Variants in ANKRD22 observed in about 807,000 individuals in gnomAD.
ANKRD22 encodes the protein ankyrin repeat domain-containing protein 22.
ANKRD22 carries 24 observed loss-of-function variants against 25.7 expected under a neutral mutation model. The observed-to-expected ratio is 0.93, with a 90% CI of 0.68 to 1.31. The LOEUF (loss-of-function observed/expected upper bound fraction) is 1.31, where lower values mean the gene tolerates loss of function less well. Among genes scored for constraint, ANKRD22 ranks in the 50% most tolerant of loss-of-function variants. The pLI, the probability that ANKRD22 is intolerant of heterozygous loss-of-function variation, is 0.00. For missense variants in ANKRD22, 214 were observed against 227.1 expected, an observed-to-expected ratio of 0.94 and a Z score of 0.37; for synonymous variants, 84 against 84.3, an observed-to-expected ratio of 1.00 and a Z score of 0.02.
chr10:88,839,850 C>T (rs1266131451), intron 1 of ANKRD22, among the ~76,000 whole-genome samples: 1 of 152,146 alleles, frequency 6.6e-6, no homozygotes, highest in Non-Finnish European at 1.5e-5. Context: ...ATATTGCAAT[C>T]ATGTTTGCAC....
At chr10:88,825,780 T>C (rs1843849926) in intron 4 of ANKRD22, among the ~76,000 whole-genome samples, 1 of 152,214 alleles carries the variant, frequency 6.6e-6, no homozygotes, top group African/African-American at 2.4e-5. Flanking sequence ...GGAGCCTTAG[T>C]TTTCCTTAAC....
intron 1 of ANKRD22, among the ~76,000 whole-genome samples, chr10:88,842,423 T>C (rs974234888): frequency 5.3e-4 from 81 of 152,268 alleles, no homozygotes; most frequent in African/African-American, 1.9e-3. Context: ...TCTCCACTCC[T>C]ATGCAACTCC....
intron 1 of ANKRD22, among the ~76,000 whole-genome samples, chr10:88,832,938 C>T (rs914390092): frequency 1.3e-5 from 2 of 152,220 alleles, no homozygotes; most frequent in African/African-American, 2.4e-5. Flanking sequence ...ACACCACCTG[C>T]CTTTCTTCTG....
intron 1 of ANKRD22, among the ~76,000 whole-genome samples, chr10:88,839,387 A>G (rs1165123008): frequency 6.6e-6 from 1 of 152,152 alleles, no homozygotes; most frequent in African/African-American, 2.4e-5. Flanking sequence ...TCAGTGGGCC[A>G]ACTGTGTATA....
At chr10:88,835,739 A>C (rs1017436568) in intron 1 of ANKRD22, among the ~76,000 whole-genome samples, 7 of 152,168 alleles carry the variant, frequency 4.6e-5, no homozygotes, top group Non-Finnish European at 1.0e-4. Flanking sequence ...GCATGACTAT[A>C]ATTTAATGTG....
rs558121759 is a variant in ANKRD22 at position 88,832,149 on chromosome 10, T to G, written c.22-123A>C. 147 of 1,091,546 alleles carry G rather than the reference T, an allele frequency of 1.3e-4. No homozygotes were observed. In the Admixed American group the frequency reaches 2.1e-3, roughly 16 times the overall value. 67.6% of individuals were successfully genotyped at this position (1,091,546 alleles called of 1,614,324 possible). On this transcript the variant is annotated intron_variant, in intron 1 of 5. Coordinates refer to ENST00000371930, the MANE Select transcript of ANKRD22 (RefSeq NM_144590.3). ...GTTTTAAAATTGTAATATATTGCTT[T>G]GCAGGTGAGATTTTTTGGTCTCAGT...
chr10:88,850,769 G>A (rs919363053), intron 1 of ANKRD22, among the ~76,000 whole-genome samples: 3 of 151,760 alleles, frequency 2.0e-5, no homozygotes, highest in African/African-American at 7.3e-5. Context: ...CACACACGGA[G>A]AGATATATAC....
At chr10:88,838,110 G>A (rs1236892846) in intron 1 of ANKRD22, among the ~76,000 whole-genome samples, 2 of 152,098 alleles carry the variant, frequency 1.3e-5, no homozygotes, top group Non-Finnish European at 2.9e-5. Flanking sequence ...AGCATGATGG[G>A]GAAGATTTTG....
chr10:88,834,244 A>G (rs1398348998), intron 1 of ANKRD22, among the ~76,000 whole-genome samples: 1 of 152,258 alleles, frequency 6.6e-6, no homozygotes, highest in East Asian at 1.9e-4. Flanking sequence ...TAATTTTTCA[A>G]TTAAATGTAT....
At chr10:88,850,172 C>T (rs901661300) in intron 1 of ANKRD22, among the ~76,000 whole-genome samples, 3 of 151,778 alleles carry the variant, frequency 2.0e-5, no homozygotes, top group Non-Finnish European at 4.4e-5. Context: ...TAAGAGATTA[C>T]TATTTAATTT....
rs1843787070 is a variant in ANKRD22 at position 88,820,987 on chromosome 10, T to C, written c.*1954A>G. ...TGCTTTAAGGACAACAACAACAAAA[T>C]CAGTGTTACAGTATGGATGAAATCT... is the stretch of plus-strand genomic sequence containing the variant. On this transcript the variant is annotated 3_prime_UTR_variant, in exon 6 of 6. Coordinates refer to ENST00000371930, the MANE Select transcript of ANKRD22 (RefSeq NM_144590.3). Among the ~76,000 whole-genome samples, 1 of 152,160 alleles carries C rather than the reference T, an allele frequency of 6.6e-6. No homozygotes were observed.
At chr10:88,829,357 G>T (rs1843884386) in intron 2 of ANKRD22, among the ~76,000 whole-genome samples, 2 of 152,192 alleles carry the variant, frequency 1.3e-5, no homozygotes, top group African/African-American at 4.8e-5. Context: ...TTCCACTTAT[G>T]CAAGGCACTG....
At chr10:88,823,792 C>T (rs1257220832) in intron 4 of ANKRD22, among the ~76,000 whole-genome samples, 2 of 141,816 alleles carry the variant, frequency 1.4e-5, no homozygotes, top group East Asian at 2.2e-4. Flanking sequence ...TGCGCCACTG[C>T]GCTCCAGCCT....
chr10:88,847,498 A>G (rs1844060614), intron 1 of ANKRD22, among the ~76,000 whole-genome samples: 1 of 152,040 alleles, frequency 6.6e-6, no homozygotes, highest in Non-Finnish European at 1.5e-5. Flanking sequence ...ACCTCAGGTG[A>G]TCCACCTGCC....
intron 1 of ANKRD22, among the ~76,000 whole-genome samples, chr10:88,835,993 A>C (rs1405648312): frequency 1.3e-5 from 2 of 152,178 alleles, no homozygotes; most frequent in Non-Finnish European, 2.9e-5. Flanking sequence ...TAGAAGAAAC[A>C]CACTTGGGAA....
At chr10:88,843,507 T>C (rs1844021702) in intron 1 of ANKRD22, among the ~76,000 whole-genome samples, 1 of 152,164 alleles carries the variant, frequency 6.6e-6, no homozygotes, top group African/African-American at 2.4e-5. Flanking sequence ...TCAAGGCAAT[T>C]AGCATCTTTT....
Position 88,822,544 on chromosome 10 carries a change from CTTTTT to C in ANKRD22, c.*392_*396del, listed in dbSNP as rs35912078. On this transcript the variant is annotated 3_prime_UTR_variant, in exon 6 of 6. Coordinates refer to ENST00000371930, the MANE Select transcript of ANKRD22 (RefSeq NM_144590.3). ...AAAGACTGAGTTTGGAACACCAGGG[CTTTTT>C]TTTTTTTTTTTTTTTTTGAGACAGG... 25 of 36,446 alleles carry C rather than the reference CTTTTT, an allele frequency of 6.9e-4. 2 individuals are homozygous for C. Among genetic ancestry groups the C allele is most frequent in the South Asian group, 6.7e-3 (5 of 750 alleles). 2.3% of individuals were successfully genotyped at this position (36,446 alleles called of 1,614,324 possible).
At chr10:88,840,489 A>G (rs1159100453) in intron 1 of ANKRD22, among the ~76,000 whole-genome samples, 1 of 152,148 alleles carries the variant, frequency 6.6e-6, no homozygotes, top group Non-Finnish European at 1.5e-5. Flanking sequence ...TGTTTTCCCT[A>G]AAGTATAATG....
chr10:88,828,277 T>C (rs1260712956), intron 3 of ANKRD22, among the ~76,000 whole-genome samples: 1 of 152,184 alleles, frequency 6.6e-6, no homozygotes, highest in Non-Finnish European at 1.5e-5. Flanking sequence ...TATTCAGAAT[T>C]TTTTTGCTCC....
Sources: gnomAD v4.1 joint callset for allele counts (sites outside exome capture counted in the v4.1 genomes callset) on GRCh38, gnomAD v4.1.1 for gene constraint, MANE v1.5 for transcripts, NCBI Gene and HGNC (gene_info 2026-07-23, HGNC 2026-07-21) for gene names.